The following TMEM132C variants were observed in gnomAD, a reference collection of about 807,000 sequenced individuals.
The protein encoded by TMEM132C is transmembrane protein 132C.
A neutral mutation model predicts 61.4 loss-of-function variants in TMEM132C; 29 were observed. The observed-to-expected ratio is 0.47, with a 90% CI of 0.35 to 0.64. The LOEUF is 0.64. Among genes scored for constraint, TMEM132C ranks in the 30% least tolerant of loss-of-function variants. TMEM132C has a pLI of 0.00. For missense variants in TMEM132C, 1,408 were observed against 1,476.9 expected (o/e 0.95, Z 0.76); for synonymous variants, 656 against 633.1 (o/e 1.04, Z -0.54).
chr12:128,306,206 CTTTT>C (rs34273117), intron 1 of TMEM132C, among the ~76,000 whole-genome samples: 1 of 136,944 alleles, frequency 7.3e-6, no homozygotes. Context: ...TGAAGAAATT[CTTTT>C]TTTTTTTTTT....
chr12:128,271,504 G>T (rs1870521807), intron 1 of TMEM132C, among the ~76,000 whole-genome samples: 1 of 152,112 alleles, frequency 6.6e-6, no homozygotes, highest in Non-Finnish European at 1.5e-5. Flanking sequence ...CTACTGAGAT[G>T]ATCAAATAAG....
At chr12:128,533,242 G>T (rs1314883914) in intron 2 of TMEM132C, among the ~76,000 whole-genome samples, 2 of 152,180 alleles carry the variant, frequency 1.3e-5, no homozygotes, top group African/African-American at 2.4e-5. Context: ...TACAGCTGCT[G>T]GTTGGTTAGC....
At chr12:128,549,019 G>A (rs746617289) in intron 3 of TMEM132C, among the ~76,000 whole-genome samples, 1 of 152,148 alleles carries the variant, frequency 6.6e-6, no homozygotes, top group East Asian at 1.9e-4. Context: ...TGGGTAACAA[G>A]GGGAAACTGT....
chr12:128,443,241 G>A (rs1869860149), intron 2 of TMEM132C, among the ~76,000 whole-genome samples: 1 of 152,028 alleles, frequency 6.6e-6, no homozygotes, highest in Admixed American at 6.6e-5. Flanking sequence ...GCATAAAAAT[G>A]ATAAAATGGA....
At chr12:128,334,287 C>T (rs536555447) in intron 1 of TMEM132C, among the ~76,000 whole-genome samples, 1 of 152,274 alleles carries the variant, frequency 6.6e-6, no homozygotes, top group African/African-American at 2.4e-5. Context: ...CAGCCCATCT[C>T]CACAGACCGC....
intron 2 of TMEM132C, among the ~76,000 whole-genome samples, chr12:128,541,093 C>G (rs1027939544): frequency 3.3e-5 from 5 of 151,954 alleles, no homozygotes; most frequent in Admixed American, 6.6e-5. Context: ...ATGACCTCAT[C>G]CTCAGGTTTG....
chr12:128,534,544 C>T (rs1239324895), intron 2 of TMEM132C, among the ~76,000 whole-genome samples: 1 of 152,240 alleles, frequency 6.6e-6, no homozygotes, highest in African/African-American at 2.4e-5. Flanking sequence ...GCTGGAAGCT[C>T]CTCCCCTCCA....
chr12:128,403,160 C>T, intron 1 of TMEM132C, among the ~76,000 whole-genome samples: 1 of 152,224 alleles, frequency 6.6e-6, no homozygotes, highest in South Asian at 2.1e-4. Flanking sequence ...AAAAAGGAAA[C>T]AATGAGCCAT....
intron 1 of TMEM132C, among the ~76,000 whole-genome samples, chr12:128,283,528 A>ATCTC (rs148681401): frequency 2.0e-5 from 3 of 148,780 alleles, no homozygotes; most frequent in South Asian, 4.3e-4. Context: ...GTATCTAGGC[A>ATCTC]TCTCTCTCTC....
chr12:128,298,189 C>T (rs1871470154), intron 1 of TMEM132C, among the ~76,000 whole-genome samples: 2 of 152,310 alleles, frequency 1.3e-5, no homozygotes, highest in South Asian at 2.1e-4. Flanking sequence ...TATTCCCTTG[C>T]TTAAGACCCC....
intron 5 of TMEM132C, among the ~76,000 whole-genome samples, chr12:128,677,233 C>T (rs1954597337): frequency 6.6e-6 from 1 of 152,122 alleles, no homozygotes; most frequent in South Asian, 2.1e-4. Flanking sequence ...ATAGATTTAG[C>T]AATATCCAGT....
At chr12:128,314,640 G>A (rs1872086386) in intron 1 of TMEM132C, among the ~76,000 whole-genome samples, 1 of 152,154 alleles carries the variant, frequency 6.6e-6, no homozygotes, top group African/African-American at 2.4e-5. Context: ...ATGTTTATAA[G>A]GAGAGGAGAG....
intron 1 of TMEM132C, among the ~76,000 whole-genome samples, chr12:128,339,633 C>T (rs1029126003): frequency 2.0e-5 from 3 of 151,418 alleles, no homozygotes; most frequent in Non-Finnish European, 4.4e-5. Context: ...TCTCATTCAC[C>T]CCTGGAAGGT....
intron 2 of TMEM132C, among the ~76,000 whole-genome samples, chr12:128,434,873 C>T (rs1165864101): frequency 2.0e-5 from 3 of 151,820 alleles, no homozygotes; most frequent in South Asian, 2.1e-4. Context: ...CTGCCTGCCT[C>T]GACCTCCCAA....
At chr12:128,418,345 C>G (rs758885809) in intron 2 of TMEM132C, among the ~76,000 whole-genome samples, 1 of 152,106 alleles carries the variant, frequency 6.6e-6, no homozygotes, top group Non-Finnish European at 1.5e-5. Context: ...GGGGATGTTA[C>G]GGACGGCGTA....
intron 5 of TMEM132C, among the ~76,000 whole-genome samples, chr12:128,687,387 T>C (rs926977931): frequency 1.3e-5 from 2 of 152,264 alleles, no homozygotes; most frequent in African/African-American, 4.8e-5. Flanking sequence ...ATCCCCTAGA[T>C]ACCGGTTGCA....
chr12:128,529,021 A>G (rs1437576530), intron 2 of TMEM132C, among the ~76,000 whole-genome samples: 1 of 152,114 alleles, frequency 6.6e-6, no homozygotes, highest in African/African-American at 2.4e-5. Context: ...GTCATTCCAA[A>G]TTGGTGCCCA....
At chr12:128,545,433 G>A (rs757840947) in intron 3 of TMEM132C, among the ~76,000 whole-genome samples, 66 of 152,312 alleles carry the variant, frequency 4.3e-4, no homozygotes, top group East Asian at 3.3e-3. Flanking sequence ...ACATGAGTGC[G>A]TGTGTCTTTT....
chr12:128,526,719 G>A (rs1873098243), intron 2 of TMEM132C, among the ~76,000 whole-genome samples: 1 of 152,186 alleles, frequency 6.6e-6, no homozygotes, highest in Admixed American at 6.5e-5. Context: ...TCCCTAAGGT[G>A]GGATTTGAGT....
Sources: gnomAD v4.1 joint callset for allele counts (sites outside exome capture counted in the v4.1 genomes callset) on GRCh38, gnomAD v4.1.1 for gene constraint, MANE v1.5 for transcripts, NCBI Gene and HGNC (gene_info 2026-07-23, HGNC 2026-07-21) for gene names.